Variants in KCP observed in about 807,000 individuals in gnomAD.
The protein encoded by KCP is kielin cysteine rich BMP regulator, also known as kielin/chordin-like protein.
A neutral mutation model predicts 212.7 loss-of-function variants in KCP; 194 were observed. The observed-to-expected ratio is 0.91, with a 90% CI of 0.81 to 1.03. The LOEUF (loss-of-function observed/expected upper bound fraction) is 1.03, where lower values mean the gene tolerates loss of function less well. Among genes scored for constraint, KCP ranks in the 50% least tolerant of loss-of-function variants. The pLI, the probability that KCP is intolerant of heterozygous loss-of-function variation, is 0.00. For missense variants in KCP, 2,080 were observed against 2,162.5 expected (o/e 0.96, Z 0.76); for synonymous variants, 833 against 865.3 (o/e 0.96, Z 0.65).
In KCP at chr7:128,879,412, T is replaced by C. The variant is rs543814352; in HGVS notation, c.4146+110A>G. 1,843 of 916,696 alleles carry C rather than the reference T, an allele frequency of 2.0e-3. 11 individuals are homozygous for C. The highest frequency in any genetic ancestry group is 2.0e-3 in the Non-Finnish European group (1,234 of 608,172). The allele number at this position is 916,696 out of a possible 1,614,324, so 56.8% of individuals were successfully genotyped here. The stretch of plus-strand genomic sequence containing the variant: ...CACCCCTGTACCCCACTCCTTGCCT[T>C]TTTTGGCTAGGAGGTAGCTGGCATC... On this transcript the variant is annotated intron_variant, in intron 37 of 39. Coordinates refer to ENST00000610776, the MANE Select transcript of KCP (RefSeq NM_001366122.1).
At chr7:128,890,227 T>C (rs1397702256) in intron 21 of KCP, 116 bp downstream of exon 21, 6 of 1,532,548 alleles carry the variant, frequency 3.9e-6, no homozygotes, top group Non-Finnish European at 5.3e-6. Flanking sequence ...GCCTCGGGGC[T>C]TTTTCTTACT....
intron 8 of KCP, among the ~76,000 whole-genome samples, chr7:128,895,655 C>T (rs140052695): frequency 6.6e-6 from 1 of 152,220 alleles, no homozygotes; most frequent in African/African-American, 2.4e-5. Context: ...GCACAAAATA[C>T]AGATCATAAA....
rs978041378 is a variant in KCP at position 128,880,301 on chromosome 7, C to T, written c.3759+85G>A. 2.4e-5 allele frequency: 35 copies of T among 1,438,344 alleles called. No homozygotes were observed. The Admixed American group carries it at 7.5e-4, about 31-fold the overall frequency. 89.1% of individuals were successfully genotyped at this position (1,438,344 alleles called of 1,614,324 possible). ...AGCTGGCGGCAGGAGCCCAGCCTCC[C>T]TCTCTGATGCCTGGTCACACCAGGA... On this transcript the variant is annotated intron_variant, in intron 34 of 39. Coordinates refer to ENST00000610776, the MANE Select transcript of KCP (RefSeq NM_001366122.1).
intron 34 of KCP, 149 bp from the exon 35 acceptor site, chr7:128,880,234 C>T (rs1353126163): frequency 4.6e-6 from 6 of 1,291,422 alleles, no homozygotes; most frequent in Non-Finnish European, 6.3e-6. Context: ...GTCAGGGCAC[C>T]ACATCGTGGT....
At chr7:128,902,604 C>T (rs1203552178) in intron 8 of KCP, among the ~76,000 whole-genome samples, 173 bp downstream of exon 8, 1 of 152,236 alleles carries the variant, frequency 6.6e-6, no homozygotes, top group East Asian at 1.9e-4. Context: ...GCTGGGCACG[C>T]AGATGAGCTC....
At chr7:128,886,769 C>CT in intron 24 of KCP, 32 bp from the exon 25 acceptor site, 1 of 1,538,116 alleles carries the variant, frequency 6.5e-7, no homozygotes, top group South Asian at 1.2e-5. Flanking sequence ...GGTGGGGGGC[C>CT]TGTGCCACCC....
intron 2 of KCP, among the ~76,000 whole-genome samples, chr7:128,908,132 A>G (rs1325327703): frequency 7.2e-6 from 1 of 138,382 alleles, no homozygotes; most frequent in Admixed American, 6.9e-5. Context: ...CCATCTCAAA[A>G]AAAAAAAAAA....
intron 7 of KCP, among the ~76,000 whole-genome samples, 198 bp downstream of exon 7, chr7:128,903,526 CATT>C (rs1403702189): frequency 2.0e-5 from 3 of 152,206 alleles, no homozygotes; most frequent in Non-Finnish European, 4.4e-5. Flanking sequence ...CATGGAATAT[CATT>C]ATCTGCACCT....
chr7:128,910,007 C>T (rs1368949290), intron 1 of KCP, among the ~76,000 whole-genome samples: 2 of 152,162 alleles, frequency 1.3e-5, no homozygotes, highest in African/African-American at 4.8e-5. Context: ...AGGGCCCCTC[C>T]TCCCAGGCCA....
At chr7:128,877,390 C>T (rs1259937693) in intron 39 of KCP, 79 bp from the exon 40 acceptor site, 12 of 1,525,614 alleles carry the variant, frequency 7.9e-6, no homozygotes, top group Non-Finnish European at 1.1e-5. Context: ...GCGAGACTCG[C>T]CATACCCGGC....
intron 23 of KCP, 94 bp downstream of exon 23, chr7:128,887,121 C>T (rs891715473): frequency 8.4e-7 from 1 of 1,196,728 alleles, no homozygotes; most frequent in African/African-American, 1.5e-5. Flanking sequence ...AGAGTGTAGC[C>T]CTTGCCACCT....
intron 7 of KCP, 82 bp from the exon 8 acceptor site, chr7:128,902,941 C>T: frequency 3.9e-6 from 4 of 1,029,356 alleles, no homozygotes; most frequent in Non-Finnish European, 5.9e-6. Flanking sequence ...CTTCCTTGTC[C>T]ACATGCCCTC....
Position 128,891,045 on chromosome 7 carries a change from T to A in KCP, c.2024A>T (p.His675Leu). The A allele has an allele frequency of 7.3e-7, 1 of 1,372,862 alleles. No homozygotes were observed. The highest frequency in any genetic ancestry group is 9.3e-7 in the Non-Finnish European group (1 of 1,069,742). 85.0% of individuals were successfully genotyped at this position (1,372,862 alleles called of 1,614,324 possible). The change falls in exon 20 of 40, where the codon CAC becomes CTC. Residue 675 changes from histidine (H) to leucine (L), a missense_variant. Transcript: ENST00000610776. ...GCCGGGCGGGGAGAAGTACTCCTGG[T>A]GGCGGGCGTGGGCCGCGCCGGGCCG... ...CPRPGAAHARHQEYFSPPGDP... is the reference protein window; with the variant it reads ...CPRPGAAHARLQEYFSPPGDP...
At chr7:128,886,802 G>C in intron 24 of KCP, 65 bp from the exon 25 acceptor site, 1 of 1,492,578 alleles carries the variant, frequency 6.7e-7, no homozygotes. Flanking sequence ...CCCAGCCTTA[G>C]GCCTGGCAGG....
At chr7:128,889,196 G>C (rs1254338334) in intron 21 of KCP, among the ~76,000 whole-genome samples, 157 bp from the exon 22 acceptor site, 1 of 149,602 alleles carries the variant, frequency 6.7e-6, no homozygotes, top group Non-Finnish European at 1.5e-5. Flanking sequence ...GGGCAAAGCA[G>C]TCGTGAGGGG....
chr7:128,882,879 C>T (rs1793415274), intron 29 of KCP, among the ~76,000 whole-genome samples: 1 of 152,102 alleles, frequency 6.6e-6, no homozygotes, highest in Non-Finnish European at 1.5e-5. Context: ...CGAGACCAGC[C>T]TGGCCAACAT....
rs1479156057 is a variant in KCP at position 128,885,158 on chromosome 7, C to T, written c.2979G>A (p.Gln993=). Residue 993 remains glutamine (Q), a synonymous_variant, in exon 27 of 40, where the codon CAG becomes CAA. Coordinates refer to ENST00000610776, the MANE Select transcript of KCP (RefSeq NM_001366122.1). ...GGGGCTGGGCGCAAGAGCTGATGCA[C>T]TGGATGCGTGCACAGGTGACGACGC... ...HEGVVTCARI[Q]CISSCAQPRQ... is the part of the protein sequence containing the mutation. 6.4e-7 allele frequency: 1 copy of T among 1,550,832 alleles called. No individual in the cohort carries two copies. The highest frequency in any genetic ancestry group is 8.7e-7 in the Non-Finnish European group (1 of 1,147,008).
intron 8 of KCP, among the ~76,000 whole-genome samples, chr7:128,895,561 G>A (rs956261599): frequency 6.6e-6 from 1 of 152,200 alleles, no homozygotes; most frequent in Non-Finnish European, 1.5e-5. Flanking sequence ...TTGAATAGGG[G>A]CTAGGTAAAA....
At chr7:128,884,463 C>A (rs367945574) in intron 28 of KCP, among the ~76,000 whole-genome samples, 112 of 152,302 alleles carry the variant, frequency 7.4e-4, no homozygotes, top group African/African-American at 2.6e-3. Context: ...CCTTCCATGG[C>A]CTTGCAAATA....
Sources: allele counts gnomAD v4.1 joint callset (sites outside exome capture counted in the v4.1 genomes callset), GRCh38; gene constraint gnomAD v4.1.1; transcripts MANE v1.5; gene names NCBI Gene and HGNC (gene_info 2026-07-23, HGNC 2026-07-21).